Variants in HIVEP1 observed in about 807,000 individuals in gnomAD.
The protein encoded by HIVEP1 is zinc finger protein 40.
In HIVEP1, 36 loss-of-function variants were observed where a neutral mutation model predicts 180.0. That is an observed-to-expected ratio of 0.20 (90% CI 0.15 to 0.26). The LOEUF (loss-of-function observed/expected upper bound fraction) is 0.26, where lower values mean the gene tolerates loss of function less well. Ranked by LOEUF, HIVEP1 falls within the 10% of genes least tolerant of loss-of-function variation. HIVEP1 has a pLI of 1.00. For synonymous variants in HIVEP1, 1,239 were observed against 1,239.0 expected (o/e 1.00, Z 0.00); for missense variants, 3,143 against 3,268.7 (o/e 0.96, Z 0.94).
Position 12,120,252 on chromosome 6 carries a change from C to G in HIVEP1, c.457C>G (p.Pro153Ala), listed in dbSNP as rs267600784. Residue 153 changes from proline to alanine, a missense_variant, in exon 4 of 9, where the codon CCT becomes GCT. Pro to Ala is a conservative substitution (Grantham distance 27). This residue lies in a region of HIVEP1 where 306 missense variants were observed against 310.6 expected (regional missense o/e 0.99). Transcript: ENST00000379388. ...LRRWRSEGAD[P>A]AKFSDLDEQC... is the part of the protein sequence containing the mutation. ...TAGATGGAGATCCGAAGGCGCTGAT[C>G]CTGCCAAATTCAGTGACCTCGATGA... 1.2e-6 allele frequency: 2 copies of G among 1,614,076 alleles called. No individual in the cohort carries two copies. Among genetic ancestry groups the G allele is most frequent in the Non-Finnish European group, 1.7e-6 (2 of 1,180,036 alleles).
the HIVEP1 span, among the ~76,000 whole-genome samples, chr6:12,206,913 GA>G: frequency 6.6e-6 from 1 of 151,490 alleles, no homozygotes; most frequent in African/African-American, 2.5e-5. Flanking sequence ...GGGTGATTGC[GA>G]GTAGGAGTGA....
At chr6:12,032,138 CCTT>C (rs1290634921) in intron 2 of HIVEP1, among the ~76,000 whole-genome samples, 1 of 148,824 alleles carries the variant, frequency 6.7e-6, no homozygotes, top group African/African-American at 2.5e-5. Flanking sequence ...TCACTGATAA[CCTT>C]TTTTTTTTTT....
At chr6:12,173,082 A>C in the HIVEP1 span, among the ~76,000 whole-genome samples, 6 of 152,182 alleles carry the variant, frequency 3.9e-5, no homozygotes, top group African/African-American at 1.4e-4. Flanking sequence ...CCAAAGTGAC[A>C]GTTCTAATCA....
At chr6:12,009,370 T>C (rs1581470489), upstream of HIVEP1, among the ~76,000 whole-genome samples, 1 of 152,242 alleles carries the variant, frequency 6.6e-6, no homozygotes, top group East Asian at 1.9e-4. Flanking sequence ...TCAGTGACAC[T>C]ATCCTCCCTC....
Position 12,125,662 on chromosome 6 carries a change from C to G in HIVEP1, c.5867C>G (p.Pro1956Arg), listed in dbSNP as rs779185427. Residue 1956 changes from proline (P) to arginine (R), a missense_variant, in exon 4 of 9, where the codon CCT becomes CGT. Around this residue, in one of 12 missense-constraint regions of HIVEP1, gnomAD observed 1,357 missense variants for 1,260.5 expected, o/e 1.08. Coordinates refer to ENST00000379388, the MANE Select transcript of HIVEP1 (RefSeq NM_002114.4). The stretch of plus-strand genomic sequence containing the variant: ...TTAAGGCAGAAGTCGTTGCATTTGC[C>G]TCAGAAGGACCAGAAAACTTCAGCC... ...YLLRQKSLHLPQKDQKTSAYT... is the reference protein window; with the variant it reads ...YLLRQKSLHLRQKDQKTSAYT... The G allele has an allele frequency of 6.8e-6, 11 of 1,614,174 alleles. No homozygotes were observed. The South Asian group carries it at 1.2e-4, about 18-fold the overall frequency.
At chr6:12,204,824 G>C in the HIVEP1 span, among the ~76,000 whole-genome samples, 1 of 152,100 alleles carries the variant, frequency 6.6e-6, no homozygotes, top group Non-Finnish European at 1.5e-5. Context: ...TGAAGCTTCC[G>C]GTGGGGTGAA....
chr6:12,110,730 G>T (rs1355370099), intron 3 of HIVEP1, among the ~76,000 whole-genome samples: 1 of 152,162 alleles, frequency 6.6e-6, no homozygotes, highest in African/African-American at 2.4e-5. Flanking sequence ...TTGTCGTTCA[G>T]GTGTTTCCTG....
At chr6:12,202,598 T>C in the HIVEP1 span, among the ~76,000 whole-genome samples, 2 of 152,246 alleles carry the variant, frequency 1.3e-5, no homozygotes, top group Non-Finnish European at 1.5e-5. Context: ...TTTCTCTTCC[T>C]GTTCCTTTTC....
chr6:12,135,674 G>A (rs1023167933), intron 6 of HIVEP1, 117 bp from the exon 7 acceptor site: 44 of 646,350 alleles, frequency 6.8e-5, no homozygotes, highest in Non-Finnish European at 1.2e-4. Context: ...TTAGTCATTG[G>A]AGTTGTACGA....
intron 2 of HIVEP1, among the ~76,000 whole-genome samples, chr6:12,032,940 C>T (rs1411347054): frequency 6.6e-6 from 1 of 152,172 alleles, no homozygotes; most frequent in Non-Finnish European, 1.5e-5. Context: ...ATAGTGATTT[C>T]CTTTCTAAAG....
the HIVEP1 span, among the ~76,000 whole-genome samples, chr6:12,187,250 T>A: frequency 6.6e-6 from 1 of 152,200 alleles, no homozygotes; most frequent in Non-Finnish European, 1.5e-5. Flanking sequence ...TTTGGATGTT[T>A]GTCCCACTCA....
intron 2 of HIVEP1, among the ~76,000 whole-genome samples, chr6:12,059,407 A>G (rs756510100): frequency 3.3e-5 from 5 of 152,188 alleles, no homozygotes; most frequent in Non-Finnish European, 7.4e-5. Flanking sequence ...GATTCCCGCT[A>G]AACATTTAGA....
chr6:12,154,136 C>T (rs1027776001), intron 7 of HIVEP1, among the ~76,000 whole-genome samples: 6 of 152,338 alleles, frequency 3.9e-5, no homozygotes, highest in Non-Finnish European at 7.4e-5. Context: ...TGAATCCATA[C>T]TGATAACTTC....
rs148302531 is a variant in HIVEP1 at position 12,081,070 on chromosome 6, C to T, written c.41-8114C>T. On this transcript the variant is annotated intron_variant, in intron 2 of 8. Transcript: ENST00000379388. ...TTCACACTGCCTTTCTAGCCTCTAT[C>T]CATCCTGTATATTTGGTCCATCAGA... is the stretch of plus-strand genomic sequence containing the variant. 6.5e-4 allele frequency among the ~76,000 whole-genome samples: 99 copies of T among 152,242 alleles called. No homozygotes were observed. The East Asian group carries it at 0.016, about 25-fold the overall frequency.
At chr6:12,092,627 A>C (rs1773548708) in intron 3 of HIVEP1, among the ~76,000 whole-genome samples, 1 of 152,160 alleles carries the variant, frequency 6.6e-6, no homozygotes, top group Non-Finnish European at 1.5e-5. Context: ...AACTTTTTGC[A>C]TTCCCACTAT....
chr6:12,041,629 A>G (rs1769730547), intron 2 of HIVEP1, among the ~76,000 whole-genome samples: 1 of 151,810 alleles, frequency 6.6e-6, no homozygotes, highest in African/African-American at 2.4e-5. Context: ...AATTTACCTA[A>G]TTTAGTTATT....
At chr6:12,127,524 C>T (rs957211819) in intron 4 of HIVEP1, among the ~76,000 whole-genome samples, 1 of 152,204 alleles carries the variant, frequency 6.6e-6, no homozygotes, top group Non-Finnish European at 1.5e-5. Flanking sequence ...TCTGGAAATG[C>T]ATATCTAGAT....
At chr6:12,012,050 G>C (rs1767363143), upstream of HIVEP1, 1 of 145,556 alleles carries the variant, frequency 6.9e-6, no homozygotes, top group African/African-American at 2.5e-5. Flanking sequence ...TGCCCCGGGG[G>C]AGAGGTAAAG....
At chr6:12,036,373 G>A (rs914613299) in intron 2 of HIVEP1, among the ~76,000 whole-genome samples, 1 of 152,180 alleles carries the variant, frequency 6.6e-6, no homozygotes, top group African/African-American at 2.4e-5. Context: ...AAAAATCCAC[G>A]TATGTATAGG....
Sources: gnomAD v4.1 joint callset for allele counts (sites outside exome capture counted in the v4.1 genomes callset) on GRCh38, gnomAD v4.1.1 for gene constraint, gnomAD v4.1.1 regional missense constraint, MANE v1.5 for transcripts, NCBI Gene and HGNC (gene_info 2026-07-23, HGNC 2026-07-21) for gene names.